ARHGEF28: variants seen among roughly 807,000 people sequenced by gnomAD.
ARHGEF28 encodes the protein 190 kDa guanine nucleotide exchange factor.
A neutral mutation model predicts 206.6 loss-of-function variants in ARHGEF28; 152 were observed. The observed-to-expected ratio is 0.74, with a 90% CI of 0.64 to 0.84. The LOEUF is 0.84. Among genes scored for constraint, ARHGEF28 ranks in the 40% least tolerant of loss-of-function variants. The pLI, the probability that ARHGEF28 is intolerant of heterozygous loss-of-function variation, is 0.00. For missense variants in ARHGEF28, 2,028 were observed against 2,073.2 expected (o/e 0.98, Z 0.42); for synonymous variants, 763 against 776.4 (o/e 0.98, Z 0.29).
At chr5:73,892,860 C>T (rs1049238404) in intron 27 of ARHGEF28, among the ~76,000 whole-genome samples, 1 of 152,162 alleles carries the variant, frequency 6.6e-6, no homozygotes, top group African/African-American at 2.4e-5. Flanking sequence ...TTCTCTACCT[C>T]TACTGCACCC....
chr5:73,709,074 A>G (rs1157721744), intron 2 of ARHGEF28, among the ~76,000 whole-genome samples: 1 of 152,148 alleles, frequency 6.6e-6, no homozygotes, highest in East Asian at 1.9e-4. Flanking sequence ...ACAAGGCTGT[A>G]TAGGTCAGCT....
chr5:73,728,399 G>A (rs74365649), intron 2 of ARHGEF28, among the ~76,000 whole-genome samples: 2,194 of 152,258 alleles, frequency 0.014, 39 homozygotes, highest in African/African-American at 0.05. Flanking sequence ...TTGCAAGTCT[G>A]AAAACAAGTT....
At chr5:73,817,537 A>G (rs72770895) in intron 9 of ARHGEF28, among the ~76,000 whole-genome samples, 3,959 of 152,332 alleles carry the variant, frequency 0.026, 90 homozygotes, top group Non-Finnish European at 0.038. Context: ...AAGTCATACC[A>G]GGAAACACAG....
chr5:73,739,186 C>T (rs572700264), intron 2 of ARHGEF28, among the ~76,000 whole-genome samples: 4 of 151,946 alleles, frequency 2.6e-5, no homozygotes, highest in African/African-American at 7.2e-5. Context: ...CTTGATAAAA[C>T]TTTATTATTA....
At chr5:73,820,508 A>G (rs1304416549) in intron 9 of ARHGEF28, among the ~76,000 whole-genome samples, 1 of 151,978 alleles carries the variant, frequency 6.6e-6, no homozygotes, top group Non-Finnish European at 1.5e-5. Flanking sequence ...TGAGTGCTTT[A>G]TTACTGGGTG....
At chr5:73,756,987 A>T (rs894215862) in intron 4 of ARHGEF28, among the ~76,000 whole-genome samples, 3 of 152,106 alleles carry the variant, frequency 2.0e-5, no homozygotes, top group Admixed American at 1.3e-4. Context: ...GCACATGTAT[A>T]CTCTATGGAT....
intron 9 of ARHGEF28, among the ~76,000 whole-genome samples, chr5:73,810,039 G>C (rs79103669): frequency 0.038 from 5,775 of 152,150 alleles, 132 homozygotes; most frequent in South Asian, 0.072. Context: ...AATTACTATA[G>C]AAAACAAGGA....
intron 7 of ARHGEF28, among the ~76,000 whole-genome samples, chr5:73,792,447 T>A (rs1358171696): frequency 6.6e-6 from 1 of 152,156 alleles, no homozygotes; most frequent in African/African-American, 2.4e-5. Flanking sequence ...CTGGATAAAA[T>A]GTGTACTGTT....
chr5:73,813,984 G>C (rs982679199), intron 9 of ARHGEF28, among the ~76,000 whole-genome samples: 4 of 151,790 alleles, frequency 2.6e-5, no homozygotes, highest in African/African-American at 9.7e-5. Context: ...AATTACCTTG[G>C]AGTTACCTTG....
intron 10 of ARHGEF28, among the ~76,000 whole-genome samples, chr5:73,839,309 A>G (rs1757842607): frequency 6.6e-6 from 1 of 152,324 alleles, no homozygotes; most frequent in South Asian, 2.1e-4. Flanking sequence ...CCTGTTGCTC[A>G]TTAGACTTTC....
chr5:73,807,550 T>A (rs1388360008), intron 9 of ARHGEF28, among the ~76,000 whole-genome samples: 1 of 151,852 alleles, frequency 6.6e-6, no homozygotes, highest in East Asian at 1.9e-4. Flanking sequence ...AATGGTGTGA[T>A]CTCAGATCAC....
At chr5:73,654,974 T>C (rs1222828209) in intron 1 of ARHGEF28, among the ~76,000 whole-genome samples, 2 of 152,170 alleles carry the variant, frequency 1.3e-5, no homozygotes, top group Non-Finnish European at 1.5e-5. Flanking sequence ...TTAGACAAAA[T>C]GAAAGGTTGT....
At chr5:73,771,769 C>A (rs1271896647) in intron 4 of ARHGEF28, among the ~76,000 whole-genome samples, 5 of 152,040 alleles carry the variant, frequency 3.3e-5, no homozygotes, top group Non-Finnish European at 1.5e-5. Context: ...AAACAAAAAC[C>A]TCACTTTTTA....
chr5:73,792,890 A>G (rs1189189427), intron 7 of ARHGEF28, among the ~76,000 whole-genome samples: 2 of 152,090 alleles, frequency 1.3e-5, no homozygotes, highest in African/African-American at 4.8e-5. Flanking sequence ...AAATTAGCCC[A>G]TTTTGACATT....
intron 1 of ARHGEF28, among the ~76,000 whole-genome samples, chr5:73,682,974 C>G (rs1325641190): frequency 6.6e-6 from 1 of 152,070 alleles, no homozygotes. Flanking sequence ...GCCTGCTCCT[C>G]CATTTCTCCT....
In ARHGEF28 at chr5:73,892,245, C is replaced by T. The variant is rs373017433; in HGVS notation, c.3566+15C>T. On this transcript the variant is annotated intron_variant, in intron 27 of 35. Transcript: ENST00000513042. ...GCTGTAGAAAGGTAACATTTCCTTC[C>T]GTCCATAATCTATGGAACAGAGTTG... 6.6e-5 allele frequency: 102 copies of T among 1,552,104 alleles called. No individual in the cohort carries two copies. In the African/African-American group the frequency reaches 6.8e-4, roughly 10 times the overall value.
intron 2 of ARHGEF28, among the ~76,000 whole-genome samples, chr5:73,731,317 G>A (rs55819707): frequency 0.025 from 3,762 of 152,214 alleles, 145 homozygotes; most frequent in African/African-American, 0.086. Flanking sequence ...TTAAGGGGTT[G>A]CTGTAACTTA....
chr5:73,778,834 G>A (rs1002910209), intron 6 of ARHGEF28, among the ~76,000 whole-genome samples: 1 of 152,178 alleles, frequency 6.6e-6, no homozygotes, highest in Non-Finnish European at 1.5e-5. Flanking sequence ...TATAGATTTT[G>A]TATAAAAAGT....
intron 13 of ARHGEF28, among the ~76,000 whole-genome samples, chr5:73,850,361 A>G (rs528488894): frequency 2.5e-4 from 38 of 152,046 alleles, no homozygotes; most frequent in Admixed American, 5.9e-4. Flanking sequence ...TACAAGAGAA[A>G]GAAAGGATAC....
Sources: allele counts gnomAD v4.1 joint callset (sites outside exome capture counted in the v4.1 genomes callset), GRCh38; gene constraint gnomAD v4.1.1; transcripts MANE v1.5; gene names NCBI Gene and HGNC (gene_info 2026-07-23, HGNC 2026-07-21).